The following EPHA8 variants were observed in gnomAD, a reference collection of about 807,000 sequenced individuals.
The protein encoded by EPHA8 is ephrin type-A receptor 8.
Under a neutral mutation model 103.6 loss-of-function variants are expected in EPHA8, and 58 were observed. The observed-to-expected ratio is 0.56, with a 90% confidence interval of 0.45 to 0.70. The LOEUF (loss-of-function observed/expected upper bound fraction) is 0.70. EPHA8 is among the 30% of genes least tolerant of loss of function. The probability of loss-of-function intolerance (pLI) is 0.00; values close to 1 mark genes in which losing one functional copy is unlikely to be tolerated. For missense variants in EPHA8, 1,304 were observed against 1,395.2 expected, an observed-to-expected ratio of 0.93 and a Z score of 1.04; for synonymous variants, 559 against 572.5, an observed-to-expected ratio of 0.98 and a Z score of 0.34.
In EPHA8 at chr1:22,589,684, A is replaced by G; in HGVS notation, c.1315+478A>G. ...CTGCCCTTGGGATAGACTTGGCTGCACTGGCTTGGACCACAGTAGTTTATC... is the reference window on the plus strand; with the variant it reads ...CTGCCCTTGGGATAGACTTGGCTGCGCTGGCTTGGACCACAGTAGTTTATC... On this transcript the variant is annotated intron_variant, in intron 5 of 16. Coordinates refer to ENST00000166244, the MANE Select transcript of EPHA8 (RefSeq NM_020526.5). The surrounding 1 kb of genome is among the most constrained non-coding windows in gnomAD (Gnocchi z 4.3). 1 of 1,111,616 alleles carries G rather than the reference A, an allele frequency of 9.0e-7. No individual in the cohort carries two copies. The highest frequency in any genetic ancestry group is 5.4e-5 in the East Asian group (1 of 18,424). The allele number at this position is 1,111,616 out of a possible 1,614,324, so 68.9% of individuals were successfully genotyped here.
intron 3 of EPHA8, among the ~76,000 whole-genome samples, chr1:22,578,079 ATG>A (rs144337253): frequency 0.18 from 5,851 of 33,128 alleles, 118 homozygotes; most frequent in Middle Eastern, 0.22. Context: ...GTATGTATGC[ATG>A]TGTGTGCATG....
rs1468992771 is a variant in EPHA8 at position 22,603,101 on chromosome 1, G to A, written c.*1360G>A. 6.6e-6 allele frequency: 1 copy of A among 152,396 alleles called. No homozygotes were observed. The highest frequency in any genetic ancestry group is 1.5e-5 in the Non-Finnish European group (1 of 68,028). 9.4% of individuals were successfully genotyped at this position (152,396 alleles called of 1,614,324 possible). ...ATCCCGGGGGCCGTTGGCAGGCAGGGAAGCAGGAACCCCACCGTGTGCCCC... is the reference window on the plus strand; with the variant it reads ...ATCCCGGGGGCCGTTGGCAGGCAGGAAAGCAGGAACCCCACCGTGTGCCCC... On this transcript the variant is annotated 3_prime_UTR_variant, in exon 17 of 17. Transcript: ENST00000166244.
chr1:22,569,802 C>G lies in EPHA8; in HGVS notation c.159+449C>G, dbSNP rs1244078111. Among the ~76,000 whole-genome samples, 1 of 152,190 alleles carries G rather than the reference C, an allele frequency of 6.6e-6. No individual in the cohort carries two copies. The highest frequency in any genetic ancestry group is 2.4e-5 in the African/African-American group (1 of 41,436). On this transcript the variant is annotated intron_variant, in intron 2 of 16. Transcript: ENST00000166244. The surrounding 1 kb of genome is among the most constrained non-coding windows in gnomAD (Gnocchi z 4.5). ...TCCTGGCCACAGACTCTGGACTCAG[C>G]CTTCAGGTCGCTGTGGGTCATGTGC...
rs1257199750 is a variant in EPHA8 at position 22,595,384 on chromosome 1, C to A, written c.1697+61C>A. 4.2e-6 allele frequency: 6 copies of A among 1,425,084 alleles called. No individual in the cohort carries two copies. In the African/African-American group the frequency reaches 8.4e-5, roughly 20 times the overall value. 88.3% of individuals were successfully genotyped at this position (1,425,084 alleles called of 1,614,324 possible). On this transcript the variant is annotated intron_variant, in intron 8 of 16. Transcript: ENST00000166244. ...TCTCAAGCACCGTACCTCCTGCCTG[C>A]CCCCAGCCCCACCGAGCCGGTGGTC...
intron 7 of EPHA8, among the ~76,000 whole-genome samples, 169 bp downstream of exon 7, chr1:22,593,855 CAG>C (rs957782379): frequency 2.6e-5 from 4 of 152,232 alleles, no homozygotes; most frequent in African/African-American, 9.6e-5. Flanking sequence ...TTAATTGAGA[CAG>C]AGTTTCACTC....
chr1:22,565,495 G>A (rs763859560), intron 1 of EPHA8, among the ~76,000 whole-genome samples: 32 of 152,202 alleles, frequency 2.1e-4, no homozygotes, highest in Admixed American at 4.6e-4. Flanking sequence ...TTCTGAGGGT[G>A]GGTGGAGGGA....
intron 7 of EPHA8, among the ~76,000 whole-genome samples, chr1:22,594,611 GTA>G (rs1641467149): frequency 6.6e-6 from 1 of 152,198 alleles, no homozygotes; most frequent in Non-Finnish European, 1.5e-5. Flanking sequence ...AGGGTCTCCT[GTA>G]TGTGCACCCA....
rs1276863195 is a variant in EPHA8, at chr1:22,567,897, G to A, written c.95-1392G>A. 6.6e-6 allele frequency among the ~76,000 whole-genome samples: 1 copy of A among 152,166 alleles called. No individual in the cohort carries two copies. The highest frequency in any genetic ancestry group is 1.5e-5 in the Non-Finnish European group (1 of 68,042). On this transcript the variant is annotated intron_variant, in intron 1 of 16. Coordinates refer to ENST00000166244, the MANE Select transcript of EPHA8 (RefSeq NM_020526.5). This position sits in a 1 kb window ranked among gnomAD's most constrained non-coding sequence, Gnocchi z 4.2. ...GGCAGAGTGAAAGGGAAAGCTGTGG[G>A]ACTCTGGAGCCAAAAGCCCTCTCAT... is the stretch of plus-strand genomic sequence containing the variant.
Position 22,597,808 on chromosome 1 carries a change from T to C in EPHA8, c.2063T>C (p.Met688Thr). 3 of 1,613,120 alleles carry C rather than the reference T, an allele frequency of 1.9e-6. No individual in the cohort carries two copies. The South Asian group carries it at 3.3e-5, about 18-fold the overall frequency. ...RRDFLSEASI[M>T]GQFDHPNIIR... is the part of the protein sequence containing the mutation. Reference sequence around the variant, plus strand: ...GACTTCCTGAGCGAGGCGTCCATCATGGGGCAATTCGACCATCCCAACATC... The same window carrying C: ...GACTTCCTGAGCGAGGCGTCCATCACGGGGCAATTCGACCATCCCAACATC... The change falls in exon 11 of 17, where the codon ATG becomes ACG. Residue 688 changes from methionine to threonine, a missense_variant. Met to Thr is a moderately conservative substitution (Grantham distance 81). Coordinates refer to ENST00000166244, the MANE Select transcript of EPHA8 (RefSeq NM_020526.5). This position sits in a 1 kb window ranked among gnomAD's most constrained non-coding sequence, Gnocchi z 4.6.
chr1:22,576,350 A>G lies in EPHA8; in HGVS notation c.293A>G (p.Tyr98Cys). Residue 98 changes from tyrosine to cysteine, a missense_variant, in exon 3 of 17, where the codon TAT becomes TGT. Tyr to Cys is a radical substitution (Grantham distance 194, BLOSUM62 -2). Transcript: ENST00000166244. The surrounding 1 kb of genome is among the most constrained non-coding windows in gnomAD (Gnocchi z 4.8). ...WVPRDGARRV[Y>C]AEIKFTLRDC... is the part of the protein sequence containing the mutation. ...CCCCGAGACGGCGCCCGGCGCGTCT[A>G]TGCTGAGATCAAGTTTACCCTGCGC... is the stretch of plus-strand genomic sequence containing the variant. 2 of 1,613,530 alleles carry G rather than the reference A, an allele frequency of 1.2e-6. No individual in the cohort carries two copies. The highest frequency in any genetic ancestry group is 8.5e-7 in the Non-Finnish European group (1 of 1,179,988).
rs768504842 is a variant in EPHA8 at position 22,586,590 on chromosome 1, A to T, written c.934A>T (p.Ser312Cys). 1 of 1,613,754 alleles carries T rather than the reference A, an allele frequency of 6.2e-7. No individual in the cohort carries two copies. The highest frequency in any genetic ancestry group is 1.3e-5 in the African/African-American group (1 of 74,882). Residue 312 changes from serine (S) to cysteine (C), a missense_variant, in exon 4 of 17, where the codon AGC (serine) becomes TGC (cysteine). Physicochemically the swap from Ser to Cys is moderately radical, Grantham distance 112. Transcript: ENST00000166244. ...CGCCCAAGCCTGCCACTGTGACCTC[A>T]GCTACTACCGTGCAGCCCTGGACCC... ...PAAQACHCDL[S>C]YYRAALDPPS...
rs1194271161 is a variant in EPHA8 at position 22,576,065 on chromosome 1, G to A, written c.160-152G>A. 1.2e-6 allele frequency: 1 copy of A among 801,868 alleles called. No individual in the cohort carries two copies. The highest frequency in any genetic ancestry group is 2.5e-5 in the East Asian group (1 of 39,846). 49.7% of individuals were successfully genotyped at this position (801,868 alleles called of 1,614,324 possible). ...AGATCGTGGCCCTCTTCGAGATCATGTCTGCAGGGGGCCTGGCATCTAGTA... is the reference window on the plus strand; with the variant it reads ...AGATCGTGGCCCTCTTCGAGATCATATCTGCAGGGGGCCTGGCATCTAGTA... On this transcript the variant is annotated intron_variant, in intron 2 of 16. Coordinates refer to ENST00000166244, the MANE Select transcript of EPHA8 (RefSeq NM_020526.5). The surrounding 1 kb of genome is among the most constrained non-coding windows in gnomAD (Gnocchi z 4.8).
intron 3 of EPHA8, among the ~76,000 whole-genome samples, chr1:22,578,623 G>C (rs111203840): frequency 6.9e-6 from 1 of 143,886 alleles, no homozygotes; most frequent in Non-Finnish European, 1.5e-5. Context: ...GTATGTCTGC[G>C]TGTGTGCATG....
At chr1:22,573,413 A>C (rs1439797913) in intron 2 of EPHA8, among the ~76,000 whole-genome samples, 1 of 152,142 alleles carries the variant, frequency 6.6e-6, no homozygotes, top group East Asian at 1.9e-4. Flanking sequence ...AGATGTGGGC[A>C]CTGAGGATCA....
chr1:22,599,740 G>C (rs1641644309), intron 13 of EPHA8, among the ~76,000 whole-genome samples: 1 of 52,696 alleles, frequency 1.9e-5, no homozygotes, highest in Non-Finnish European at 3.6e-5. Context: ...AGGAAGGAGG[G>C]AGGGAGGAAG....
At chr1:22,596,598 G>C (rs779530761) in intron 9 of EPHA8, among the ~76,000 whole-genome samples, 1 of 152,064 alleles carries the variant, frequency 6.6e-6, no homozygotes, top group Non-Finnish European at 1.5e-5. Flanking sequence ...CCAGGCCTGG[G>C]TGCAGCCTCA....
chr1:22,578,167 TATGTGTGC>T (rs1396307094), intron 3 of EPHA8, among the ~76,000 whole-genome samples: 1 of 73,370 alleles, frequency 1.4e-5, no homozygotes, highest in Non-Finnish European at 3.1e-5. Flanking sequence ...TGCATGAGTG[TATGTGTGC>T]ATGTGTGTGC....
chr1:22,600,160 G>A (rs182728780), intron 13 of EPHA8, among the ~76,000 whole-genome samples: 1,457 of 126,852 alleles, frequency 0.011, 41 homozygotes, highest in African/African-American at 0.041. Flanking sequence ...GAGGGAAGGA[G>A]GGAGGCAGGA....
intron 3 of EPHA8, among the ~76,000 whole-genome samples, chr1:22,578,981 GTGTA>G (rs920470525): frequency 2.7e-5 from 4 of 146,176 alleles, no homozygotes; most frequent in African/African-American, 9.9e-5. Context: ...ATGTGTGTGA[GTGTA>G]TGTGTGCATG....
Sources: gnomAD v4.1 joint callset for allele counts (sites outside exome capture counted in the v4.1 genomes callset) on GRCh38, gnomAD v4.1.1 for gene constraint, Gnocchi (gnomAD v3.1) non-coding constraint, MANE v1.5 for transcripts, NCBI Gene and HGNC (gene_info 2026-07-23, HGNC 2026-07-21) for gene names.